The following NKAIN2 variants were observed in gnomAD, a reference collection of about 807,000 sequenced individuals.
NKAIN2 encodes the protein sodium/potassium-transporting ATPase subunit beta-1-interacting protein 2.
A neutral mutation model predicts 32.6 loss-of-function variants in NKAIN2; 14 were observed. The observed-to-expected ratio is 0.43, with a 90% confidence interval of 0.28 to 0.67. The LOEUF is 0.67. Ranked by LOEUF, NKAIN2 falls within the 30% of genes least tolerant of loss-of-function variation. The probability of loss-of-function intolerance (pLI) is 0.17; values close to 1 mark genes in which losing one functional copy is unlikely to be tolerated. For missense variants in NKAIN2, 198 were observed against 258.3 expected, an observed-to-expected ratio of 0.77 and a Z score of 1.60; for synonymous variants, 80 against 87.2, an observed-to-expected ratio of 0.92 and a Z score of 0.46.
intron 1 of NKAIN2, among the ~76,000 whole-genome samples, chr6:124,167,731 GT>G (rs1316722571): frequency 6.6e-6 from 1 of 152,130 alleles, no homozygotes; most frequent in East Asian, 1.9e-4. Flanking sequence ...AGCATGAAGG[GT>G]TGTTGAATTT....
chr6:124,044,862 T>G (rs1482173552), intron 1 of NKAIN2, among the ~76,000 whole-genome samples: 1 of 152,026 alleles, frequency 6.6e-6, no homozygotes, highest in East Asian at 1.9e-4. Context: ...AATAGAGAAA[T>G]AAAATCAGAA....
chr6:124,511,293 T>A (rs957421229), intron 3 of NKAIN2, among the ~76,000 whole-genome samples: 2 of 152,128 alleles, frequency 1.3e-5, no homozygotes, highest in Non-Finnish European at 2.9e-5. Context: ...AGCCATTTTT[T>A]AAAAAATATG....
chr6:123,969,762 G>T (rs1404372596), intron 1 of NKAIN2, among the ~76,000 whole-genome samples: 1 of 152,114 alleles, frequency 6.6e-6, no homozygotes, highest in African/African-American at 2.4e-5. Flanking sequence ...ACAGAGTAAA[G>T]AAAGGAAGGA....
intron 1 of NKAIN2, among the ~76,000 whole-genome samples, chr6:124,095,293 C>T (rs748358063): frequency 2.6e-5 from 4 of 152,084 alleles, no homozygotes; most frequent in Non-Finnish European, 5.9e-5. Context: ...TGGATGTTTT[C>T]CTTGTTTCAA....
intron 1 of NKAIN2, among the ~76,000 whole-genome samples, chr6:124,036,771 G>A (rs1222776483): frequency 6.6e-6 from 1 of 152,030 alleles, no homozygotes; most frequent in Admixed American, 6.6e-5. Context: ...CTTCAGAAGT[G>A]TGTATGTGTT....
chr6:124,158,821 T>A (rs2114436293), intron 1 of NKAIN2, among the ~76,000 whole-genome samples: 1 of 152,304 alleles, frequency 6.6e-6, no homozygotes. Context: ...ATCTAGCCCA[T>A]CAGATACAAT....
intron 1 of NKAIN2, among the ~76,000 whole-genome samples, chr6:124,222,334 A>G (rs1370936515): frequency 6.6e-6 from 1 of 152,250 alleles, no homozygotes. Flanking sequence ...TGGCTGAAGA[A>G]CTAACCAAAT....
intron 3 of NKAIN2, among the ~76,000 whole-genome samples, chr6:124,443,160 C>G (rs9385333): frequency 2.0e-5 from 3 of 152,096 alleles, no homozygotes; most frequent in African/African-American, 7.2e-5. Context: ...ACACGCTTCA[C>G]TCATGTGTGG....
intron 1 of NKAIN2, among the ~76,000 whole-genome samples, chr6:123,991,641 T>G (rs957906565): frequency 6.6e-6 from 1 of 152,056 alleles, no homozygotes; most frequent in African/African-American, 2.4e-5. Context: ...GGTGGGTGGA[T>G]AACAAGGTCA....
chr6:124,112,725 A>G (rs1461497160), intron 1 of NKAIN2, among the ~76,000 whole-genome samples: 1 of 151,812 alleles, frequency 6.6e-6, no homozygotes, highest in Non-Finnish European at 1.5e-5. Flanking sequence ...GTATTCCATA[A>G]ATTTCTTAAG....
rs59361002 is a variant in NKAIN2, at chr6:124,406,013, G to GGTGTGTGTGTGTGTGTGTGTGTGTGT, written c.273+50688_273+50689insGTGTGTGTGTGTGTGTGTGTGTGTGT. 7.0e-3 allele frequency among the ~76,000 whole-genome samples: 1,043 copies of GGTGTGTGTGTGTGTGTGTGTGTGTGT among 148,514 alleles called. 10 individuals carry two copies. The highest frequency in any genetic ancestry group is 0.032 in the East Asian group (160 of 4,986). ...TACCCAATTCATTCATTACCACCACGGTGTGTGTGTGTGTGTGTGTGTAAT... is the reference window on the plus strand; with the variant it reads ...TACCCAATTCATTCATTACCACCACGGTGTGTGTGTGTGTGTGTGTGTGTGTGTGTGTGTGTGTGTGTGTGTGTAAT... On this transcript the variant is annotated intron_variant, in intron 3 of 6. Transcript: ENST00000368417.
chr6:124,373,434 G>T (rs1024290119), intron 3 of NKAIN2, among the ~76,000 whole-genome samples: 4 of 152,152 alleles, frequency 2.6e-5, no homozygotes, highest in Admixed American at 2.6e-4. Flanking sequence ...TTGTCAAGCA[G>T]GGTGTAGGGT....
At chr6:124,453,154 G>A (rs775011391) in intron 3 of NKAIN2, among the ~76,000 whole-genome samples, 1 of 151,956 alleles carries the variant, frequency 6.6e-6, no homozygotes, top group African/African-American at 2.4e-5. Flanking sequence ...TCACTTTAAA[G>A]TACTCAAACA....
Position 124,045,410 on chromosome 6 carries a change from T to C in NKAIN2, c.55-237595T>C, listed in dbSNP as rs181968463. Among the ~76,000 whole-genome samples, 727 of 152,122 alleles carry C rather than the reference T, an allele frequency of 4.8e-3. 6 individuals carry two copies. The highest frequency in any genetic ancestry group is 0.017 in the African/African-American group (698 of 41,546). On this transcript the variant is annotated intron_variant, in intron 1 of 6. Coordinates refer to ENST00000368417, the MANE Select transcript of NKAIN2 (RefSeq NM_001040214.3). Reference sequence around the variant, plus strand: ...AAATGGAAAGGTGTTATGAAAATTATATAGTGCGATAGAAAGAGATAAGAA... The same window carrying C: ...AAATGGAAAGGTGTTATGAAAATTACATAGTGCGATAGAAAGAGATAAGAA...
chr6:124,281,404 T>G (rs571287595), intron 1 of NKAIN2, among the ~76,000 whole-genome samples: 1 of 152,324 alleles, frequency 6.6e-6, no homozygotes, highest in South Asian at 2.1e-4. Flanking sequence ...TACAAAACGT[T>G]AACTATATGA....
chr6:124,366,353 A>T (rs1220898817), intron 3 of NKAIN2, among the ~76,000 whole-genome samples: 2 of 152,142 alleles, frequency 1.3e-5, no homozygotes, highest in Non-Finnish European at 2.9e-5. Flanking sequence ...GGTGAAATAG[A>T]CAAATTCTTT....
intron 1 of NKAIN2, among the ~76,000 whole-genome samples, chr6:123,877,638 T>TA (rs1210596970): frequency 6.6e-6 from 1 of 152,212 alleles, no homozygotes; most frequent in Non-Finnish European, 1.5e-5. Flanking sequence ...TCTGTATTTG[T>TA]ATGCTTTTAT....
chr6:124,080,313 T>C (rs1783899620), intron 1 of NKAIN2, among the ~76,000 whole-genome samples: 1 of 152,166 alleles, frequency 6.6e-6, no homozygotes, highest in African/African-American at 2.4e-5. Flanking sequence ...TCCTAGAAGC[T>C]AGAATGTTAG....
chr6:124,684,088 A>G (rs1773751264), intron 4 of NKAIN2, among the ~76,000 whole-genome samples: 1 of 152,196 alleles, frequency 6.6e-6, no homozygotes, highest in African/African-American at 2.4e-5. Flanking sequence ...TAGTGATATA[A>G]TATGGAATTT....
Sources: allele counts gnomAD v4.1 joint callset (sites outside exome capture counted in the v4.1 genomes callset), GRCh38; gene constraint gnomAD v4.1.1; transcripts MANE v1.5; gene names NCBI Gene and HGNC (gene_info 2026-07-23, HGNC 2026-07-21).